The following ACAD10 variants were observed in gnomAD, a reference collection of about 807,000 sequenced individuals.
ACAD10 encodes the protein ACAD-10.
Under a neutral mutation model 116.8 loss-of-function variants are expected in ACAD10, and 112 were observed. The observed-to-expected ratio is 0.96, with a 90% confidence interval of 0.82 to 1.12. The LOEUF (loss-of-function observed/expected upper bound fraction) is 1.12. Among genes scored for constraint, ACAD10 ranks in the 50% most tolerant of loss-of-function variants. ACAD10 has a pLI of 0.00. For missense variants in ACAD10, 1,259 were observed against 1,350.2 expected (o/e 0.93, Z 1.06); for synonymous variants, 486 against 510.6 (o/e 0.95, Z 0.65).
intron 1 of ACAD10, among the ~76,000 whole-genome samples, chr12:111,686,957 A>G (rs142488366): frequency 1.3e-5 from 2 of 152,338 alleles, no homozygotes; most frequent in South Asian, 2.1e-4. Context: ...AGTTGGCATG[A>G]TATCATGTCC....
intron 10 of ACAD10, among the ~76,000 whole-genome samples, chr12:111,730,680 G>C (rs1469244907): frequency 6.6e-6 from 1 of 151,986 alleles, no homozygotes; most frequent in African/African-American, 2.4e-5. Context: ...TTGTCTTCTT[G>C]CCCATCTGGG....
At position 111,747,395 on chromosome 12, in the gene ACAD10, C is replaced by T. The variant is rs752430437; in HGVS notation, c.2485+10C>T. 4 of 1,613,912 alleles carry T rather than the reference C, an allele frequency of 2.5e-6. No homozygotes were observed. ...AAATGGTGGATCACAGGTATTTGGCCTAAAATGCACTTTCCAAATGCACAT... is the reference window on the plus strand; with the variant it reads ...AAATGGTGGATCACAGGTATTTGGCTTAAAATGCACTTTCCAAATGCACAT... On this transcript the variant is annotated intron_variant, in intron 16 of 20. Coordinates refer to ENST00000313698, the MANE Select transcript of ACAD10 (RefSeq NM_025247.6).
chr12:111,741,594 T>C (rs1889744273), intron 12 of ACAD10, among the ~76,000 whole-genome samples: 4 of 152,298 alleles, frequency 2.6e-5, no homozygotes, highest in Admixed American at 2.6e-4. Context: ...ATTCCTCTTA[T>C]CTTACTGTGC....
chr12:111,743,369 GTT>G (rs869257828), intron 12 of ACAD10, among the ~76,000 whole-genome samples: 13 of 136,384 alleles, frequency 9.5e-5, no homozygotes, highest in African/African-American at 7.9e-5. Context: ...GAAATATTCT[GTT>G]TTTTTTTTTT....
intron 12 of ACAD10, among the ~76,000 whole-genome samples, chr12:111,741,076 C>T (rs1348236782): frequency 6.6e-6 from 1 of 152,136 alleles, no homozygotes; most frequent in East Asian, 1.9e-4. Flanking sequence ...TGGAGATACA[C>T]AGTCATGAGA....
At chr12:111,755,620 C>G (rs1263753748) in intron 19 of ACAD10, 48 bp from the exon 20 acceptor site, 1 of 1,504,576 alleles carries the variant, frequency 6.6e-7, no homozygotes, top group African/African-American at 1.4e-5. Context: ...ACTCTGCCAC[C>G]CAGGCTGCCC....
chr12:111,695,873 G>A (rs753213314), intron 2 of ACAD10, among the ~76,000 whole-genome samples: 16 of 151,886 alleles, frequency 1.1e-4, no homozygotes, highest in Non-Finnish European at 1.6e-4. Flanking sequence ...AATAAGCGGG[G>A]CATGGTGATG....
chr12:111,712,267 C>T (rs1201861845), intron 5 of ACAD10, among the ~76,000 whole-genome samples: 1 of 152,102 alleles, frequency 6.6e-6, no homozygotes, highest in Non-Finnish European at 1.5e-5. Flanking sequence ...AGTGCTATGT[C>T]TTTGTGGCAC....
At chr12:111,692,648 T>C in intron 1 of ACAD10, 49 bp from the exon 2 acceptor site, 2 of 1,560,902 alleles carry the variant, frequency 1.3e-6, no homozygotes, top group South Asian at 1.2e-5. Context: ...GGAGGCCTGG[T>C]TGGGAGGCAG....
At chr12:111,731,038 A>T (rs1292207044) in intron 10 of ACAD10, among the ~76,000 whole-genome samples, 1 of 152,202 alleles carries the variant, frequency 6.6e-6, no homozygotes, top group East Asian at 1.9e-4. Context: ...TGATCTGCCC[A>T]CTTTGGCCTC....
intron 19 of ACAD10, among the ~76,000 whole-genome samples, chr12:111,755,301 A>G (rs1890178471): frequency 6.6e-6 from 1 of 151,890 alleles, no homozygotes; most frequent in African/African-American, 2.4e-5. Context: ...ACTGGGTTTC[A>G]CTATATGTTG....
intron 10 of ACAD10, 115 bp downstream of exon 10, chr12:111,730,071 C>A: frequency 1.4e-6 from 2 of 1,410,314 alleles, no homozygotes; most frequent in South Asian, 1.4e-5. Context: ...TACAAAGCAC[C>A]TGTCTGTGTG....
At chr12:111,706,549 A>G (rs1888510302) in intron 4 of ACAD10, among the ~76,000 whole-genome samples, 1 of 152,126 alleles carries the variant, frequency 6.6e-6, no homozygotes, top group East Asian at 1.9e-4. Context: ...TCCCAGGTTC[A>G]AGTGATTCTC....
At chr12:111,695,154 C>T (rs768650328) in intron 2 of ACAD10, among the ~76,000 whole-genome samples, 3 of 152,176 alleles carry the variant, frequency 2.0e-5, no homozygotes, top group Non-Finnish European at 4.4e-5. Context: ...ATTCAGGGCT[C>T]CTCTCAGTTT....
rs1181713247 is a variant in ACAD10, at chr12:111,747,186, G to T, written c.2394G>T (p.Gln798His). The T allele has an allele frequency of 6.2e-7, 1 of 1,609,612 alleles. No individual in the cohort carries two copies. Among genetic ancestry groups the T allele is most frequent in the Admixed American group, 1.7e-5 (1 of 59,820 alleles). The change falls in exon 15 of 21, where the codon CAG (glutamine) becomes CAT (histidine). Residue 798 changes from glutamine to histidine, a missense_variant and splice_region_variant. Transcript: ENST00000313698. The part of the protein sequence containing the change: ...ARSCFAMTEP[Q>H]VASSDATNIE... The stretch of plus-strand genomic sequence containing the variant: ...CCTGTTTTGCTATGACCGAGCCCCA[G>T]GTACGTCGCCTGGGCTGCCACCCAC...
At position 111,757,060 on chromosome 12, in the gene ACAD10, T is replaced by G; in HGVS notation, c.*587T>G. On this transcript the variant is annotated 3_prime_UTR_variant, in exon 21 of 21. Transcript: ENST00000313698. ...TTTAAATGTTATTTTGGAAAGGGGT[T>G]TTGGGGACACAGAAGAATAAGTAAA... is the stretch of plus-strand genomic sequence containing the variant. 1 of 358,004 alleles carries G rather than the reference T, an allele frequency of 2.8e-6. No homozygotes were observed. Among genetic ancestry groups the G allele is most frequent in the Non-Finnish European group, 5.6e-6 (1 of 179,368 alleles). 22.2% of individuals were successfully genotyped at this position (358,004 alleles called of 1,614,324 possible).
intron 7 of ACAD10, among the ~76,000 whole-genome samples, chr12:111,719,388 G>A (rs890323796): frequency 6.7e-6 from 1 of 148,612 alleles, no homozygotes; most frequent in Non-Finnish European, 1.5e-5. Context: ...TCAGTAGCTC[G>A]GACTACAGGC....
Position 111,692,776 on chromosome 12 carries a change from C to T in ACAD10, c.67C>T (p.His23Tyr). 2 of 1,614,114 alleles carry T rather than the reference C, an allele frequency of 1.2e-6. No individual in the cohort carries two copies. The highest frequency in any genetic ancestry group is 1.1e-5 in the South Asian group (1 of 91,082). Residue 23 changes from histidine to tyrosine, a missense_variant, in exon 2 of 21, where the codon CAC (histidine) becomes TAC (tyrosine). Physicochemically the swap from His to Tyr is moderately conservative, Grantham distance 83 (BLOSUM62 2). Transcript: ENST00000313698. ...GGTGTGGAGAACAGCCTTCCTGAAACACACCCAGCGCAGGCACCAGGGGTC... is the reference window on the plus strand; with the variant it reads ...GGTGTGGAGAACAGCCTTCCTGAAATACACCCAGCGCAGGCACCAGGGGTC... ...QWVWRTAFLKHTQRRHQGSHR... is the reference protein window; with the variant it reads ...QWVWRTAFLKYTQRRHQGSHR...
intron 11 of ACAD10, among the ~76,000 whole-genome samples, 180 bp downstream of exon 11, chr12:111,734,248 ATG>A (rs1889485881): frequency 6.6e-6 from 1 of 152,130 alleles, no homozygotes; most frequent in African/African-American, 2.4e-5. Flanking sequence ...TGGATATAGG[ATG>A]TGTTTTAAGT....
Sources: allele counts gnomAD v4.1 joint callset (sites outside exome capture counted in the v4.1 genomes callset), GRCh38; gene constraint gnomAD v4.1.1; transcripts MANE v1.5; gene names NCBI Gene and HGNC (gene_info 2026-07-23, HGNC 2026-07-21).